The following NLGN1 variants were observed in gnomAD, a reference collection of about 807,000 sequenced individuals.
NLGN1 encodes neuroligin-1.
Under a neutral mutation model 65.5 loss-of-function variants are expected in NLGN1, and 12 were observed. The observed-to-expected ratio is 0.18, with a 90% CI of 0.12 to 0.30. NLGN1 has a LOEUF of 0.30. Among genes scored for constraint, NLGN1 ranks in the 10% least tolerant of loss-of-function variants. The pLI, the probability that NLGN1 is intolerant of heterozygous loss-of-function variation, is 1.00. For missense variants in NLGN1, 750 were observed against 1,007.1 expected (o/e 0.74, Z 3.46); for synonymous variants, 350 against 359.5 (o/e 0.97, Z 0.30).
chr3:173,809,555 C>T lies in NLGN1; in HGVS notation c.646+1723C>T, dbSNP rs115625626. Among the ~76,000 whole-genome samples, 1,184 of 152,164 alleles carry T rather than the reference C, an allele frequency of 7.8e-3. 5 individuals are homozygous for T. The highest frequency in any genetic ancestry group is 0.011 in the Non-Finnish European group (741 of 67,976). The stretch of plus-strand genomic sequence containing the variant: ...TTAAGGACTTGAACATCCAGTTATT[C>T]ATATTTATCTATTTTATTTAAGAAA... On this transcript the variant is annotated intron_variant, in intron 4 of 6. Coordinates refer to ENST00000457714, the Ensembl canonical transcript of NLGN1.
intron 2 of NLGN1, among the ~76,000 whole-genome samples, chr3:173,495,734 C>A (rs1325845654): frequency 6.8e-6 from 1 of 147,316 alleles, no homozygotes; most frequent in Non-Finnish European, 1.5e-5. Context: ...GCAAAATACA[C>A]CATCTTAAGT....
intron 4 of NLGN1, among the ~76,000 whole-genome samples, chr3:174,260,763 C>A (rs1209922080): frequency 6.6e-6 from 1 of 150,808 alleles, no homozygotes; most frequent in Non-Finnish European, 1.5e-5. Flanking sequence ...CTTGCCCATG[C>A]TTATGTCCTG....
intron 1 of NLGN1, among the ~76,000 whole-genome samples, chr3:173,414,300 CAA>C (rs1713223471): frequency 6.6e-6 from 1 of 151,930 alleles, no homozygotes; most frequent in Non-Finnish European, 1.5e-5. Context: ...TGGTAGTATA[CAA>C]AAAGATGGGA....
rs1730270703 is a variant in NLGN1 at position 173,497,736 on chromosome 3, G to A, written c.-321+62658G>A. Among the ~76,000 whole-genome samples the A allele has an allele frequency of 4.0e-5, 6 of 151,300 alleles. No homozygotes were observed. In the South Asian group the frequency reaches 1.2e-3, roughly 31 times the overall value. The stretch of plus-strand genomic sequence containing the variant: ...TCTATTAAAATTCAGTCATAAGAAT[G>A]AACATTTGCATTAGAAAAAAAATCA... On this transcript the variant is annotated intron_variant, in intron 2 of 6. Transcript: ENST00000457714.
At chr3:173,765,615 C>T (rs1329373479) in intron 3 of NLGN1, among the ~76,000 whole-genome samples, 1 of 152,118 alleles carries the variant, frequency 6.6e-6, no homozygotes, top group Non-Finnish European at 1.5e-5. Context: ...CTCTTAAAGC[C>T]ATACATCCCA....
chr3:174,246,852 G>A (rs1010352442), intron 4 of NLGN1, among the ~76,000 whole-genome samples: 4 of 152,080 alleles, frequency 2.6e-5, no homozygotes, highest in African/African-American at 7.2e-5. Flanking sequence ...TCACATTGAT[G>A]GATTGGATCA....
In NLGN1 at chr3:174,217,355, G is replaced by C. The variant is rs1267242978; in HGVS notation, c.647-57960G>C. On this transcript the variant is annotated intron_variant, in intron 4 of 6. Transcript: ENST00000457714. The stretch of plus-strand genomic sequence containing the variant: ...AAATGAAAACATAATCTACAGTAAT[G>C]GGCTGTCCTAGTCAGCCAGCCTGCC... 2.6e-5 allele frequency among the ~76,000 whole-genome samples: 4 copies of C among 152,084 alleles called. No homozygotes were observed. In the East Asian group the frequency reaches 7.7e-4, roughly 29 times the overall value.
At chr3:173,880,246 A>T (rs1334844796) in intron 4 of NLGN1, among the ~76,000 whole-genome samples, 2 of 152,152 alleles carry the variant, frequency 1.3e-5, no homozygotes, top group African/African-American at 2.4e-5. Flanking sequence ...TACAAGATAG[A>T]ATGTAAAAAG....
chr3:173,491,536 G>A (rs892548608), intron 2 of NLGN1, among the ~76,000 whole-genome samples: 2 of 151,734 alleles, frequency 1.3e-5, no homozygotes, highest in Admixed American at 1.3e-4. Flanking sequence ...TGGTCATCAA[G>A]GATATTGGTC....
intron 3 of NLGN1, among the ~76,000 whole-genome samples, chr3:173,714,104 T>G (rs1272680767): frequency 3.3e-5 from 5 of 152,186 alleles, no homozygotes; most frequent in African/African-American, 1.2e-4. Flanking sequence ...AACATTAAAT[T>G]GGTTGTCATG....
intron 3 of NLGN1, among the ~76,000 whole-genome samples, chr3:173,699,083 C>T (rs545929870): frequency 3.3e-5 from 5 of 152,104 alleles, no homozygotes; most frequent in African/African-American, 4.8e-5. Context: ...CTCAAATTCC[C>T]GACCACAGGT....
chr3:173,981,872 G>A (rs1039655087), intron 4 of NLGN1, among the ~76,000 whole-genome samples: 3 of 151,844 alleles, frequency 2.0e-5, no homozygotes, highest in Non-Finnish European at 4.4e-5. Flanking sequence ...AGTAATATGT[G>A]TATGAGTGTT....
intron 3 of NLGN1, among the ~76,000 whole-genome samples, chr3:173,613,194 C>T (rs1483872358): frequency 6.6e-6 from 1 of 152,012 alleles, no homozygotes; most frequent in African/African-American, 2.4e-5. Context: ...TTTTTCCAAA[C>T]TAATCCTCAG....
chr3:173,784,447 A>G (rs538005922), intron 3 of NLGN1, among the ~76,000 whole-genome samples: 3 of 152,282 alleles, frequency 2.0e-5, no homozygotes, highest in Non-Finnish European at 4.4e-5. Flanking sequence ...CAACAGGGAC[A>G]TACAGAGGGA....
At chr3:174,166,069 A>G (rs1021832507) in intron 4 of NLGN1, among the ~76,000 whole-genome samples, 8 of 151,698 alleles carry the variant, frequency 5.3e-5, no homozygotes, top group African/African-American at 1.5e-4. Flanking sequence ...GATTGGGCTT[A>G]TTTGGATCTT....
chr3:173,617,212 TC>T (rs1448538716), intron 3 of NLGN1, among the ~76,000 whole-genome samples: 1 of 152,188 alleles, frequency 6.6e-6, no homozygotes, highest in Non-Finnish European at 1.5e-5. Flanking sequence ...CCTACCCTTT[TC>T]CTCCAGTTAT....
At chr3:173,990,160 G>A (rs1720806348) in intron 4 of NLGN1, among the ~76,000 whole-genome samples, 1 of 152,090 alleles carries the variant, frequency 6.6e-6, no homozygotes, top group Admixed American at 6.6e-5. Context: ...AATAGTCTTA[G>A]GCTTTACCCA....
chr3:173,800,759 A>G (rs1391185605), intron 3 of NLGN1, among the ~76,000 whole-genome samples: 2 of 151,848 alleles, frequency 1.3e-5, no homozygotes, highest in Non-Finnish European at 2.9e-5. Flanking sequence ...AATGTGCTTC[A>G]TTTTTACATT....
rs1269207200 is a variant in NLGN1, at chr3:173,952,158, G to C, written c.646+144326G>C. Among the ~76,000 whole-genome samples the C allele has an allele frequency of 2.6e-5, 4 of 152,288 alleles. No individual in the cohort carries two copies. In the East Asian group the frequency reaches 5.8e-4, roughly 22 times the overall value. On this transcript the variant is annotated intron_variant, in intron 4 of 6. Coordinates refer to ENST00000457714, the Ensembl canonical transcript of NLGN1. The stretch of plus-strand genomic sequence containing the variant: ...CTTCCGACATAGCAAACTTCCTGCA[G>C]GTCTGTAGATGAGCATGTGGCACAG...
Sources: allele counts gnomAD v4.1 joint callset (sites outside exome capture counted in the v4.1 genomes callset), GRCh38; gene constraint gnomAD v4.1.1; transcripts MANE v1.5; gene names NCBI Gene and HGNC (gene_info 2026-07-23, HGNC 2026-07-21).